The following NOL8 variants were observed in gnomAD, a reference collection of about 807,000 sequenced individuals.
NOL8 encodes the protein nucleolar protein 8.
NOL8 carries 93 observed loss-of-function variants against 116.1 expected under a neutral mutation model. The observed-to-expected ratio is 0.80, with a 90% CI of 0.68 to 0.95. The LOEUF (loss-of-function observed/expected upper bound fraction) is 0.95, where lower values mean the gene tolerates loss of function less well. NOL8 is among the 40% of genes least tolerant of loss of function. NOL8 has a pLI of 0.00. For synonymous variants in NOL8, 419 were observed against 469.0 expected (o/e 0.89, Z 1.38); for missense variants, 1,291 against 1,382.8 (o/e 0.93, Z 1.05).
Position 92,300,034 on chromosome 9 carries a change from C to A in NOL8, c.3176-18G>T, listed in dbSNP as rs1454877959. 1.2e-6 allele frequency: 2 copies of A among 1,609,422 alleles called. No homozygotes were observed. The highest frequency in any genetic ancestry group is 1.7e-6 in the Non-Finnish European group (2 of 1,177,336). On this transcript the variant is annotated intron_variant, in intron 13 of 16. Coordinates refer to ENST00000442668, the MANE Select transcript of NOL8 (RefSeq NM_017948.6). ...GTAGGTCTCTATATCGTTATGACAA[C>A]AAAAGATGATGGGATTGTAACTCCA...
Position 92,315,594 on chromosome 9 carries a change from C to A in NOL8, c.1031G>T (p.Gly344Val). The change falls in exon 7 of 17, where the codon GGC (glycine) becomes GTC (valine). Residue 344 changes from glycine to valine, a missense_variant. Transcript: ENST00000442668. ...TATTAAAGAATGCAGTTTGTGAACG[C>A]CTGATTTGAAATCATCCCTTACAAC... is the stretch of plus-strand genomic sequence containing the variant. ...FEVVRDDFKS[G>V]VHKLHSLIGL... The A allele has an allele frequency of 1.2e-6, 2 of 1,613,050 alleles. No homozygotes were observed.
At position 92,323,456 on chromosome 9, in the gene NOL8, C is replaced by T. The variant is rs772141196; in HGVS notation, c.187G>A (p.Ala63Thr). ...ATGATCTTACATTTTTTCAGGTCCG[C>T]TTCTGCTACACTGATGTTGATATAT... ...FAYINISVAE[A>T]DLKKCMSVLN... The change falls in exon 3 of 17, where the codon GCG (alanine) becomes ACG (threonine). Residue 63 changes from alanine (A) to threonine (T), a missense_variant. Ala to Thr is a moderately conservative substitution (Grantham distance 58). Transcript: ENST00000442668. 1.9e-6 allele frequency: 3 copies of T among 1,606,256 alleles called. No homozygotes were observed. The highest frequency in any genetic ancestry group is 1.6e-4 in the Middle Eastern group (1 of 6,070).
At position 92,314,293 on chromosome 9, in the gene NOL8, GCTT is replaced by G; in HGVS notation, c.2329_2331del (p.Lys777del). 6.3e-7 allele frequency: 1 copy of G among 1,591,070 alleles called. No homozygotes were observed. The highest frequency in any genetic ancestry group is 1.7e-4 in the Middle Eastern group (1 of 5,964). ...AAATTTGCCAGAGCATTATGCACCA[GCTT>G]CTTCTGCACTTCTTTTGCTTTTTGC... On this transcript the variant is annotated inframe_deletion, in exon 7 of 17. Coordinates refer to ENST00000442668, the MANE Select transcript of NOL8 (RefSeq NM_017948.6).
chr9:92,312,446 TAAAAAAAAAAA>T (rs34116665), intron 7 of NOL8, among the ~76,000 whole-genome samples: 11 of 57,562 alleles, frequency 1.9e-4, no homozygotes, highest in Non-Finnish European at 2.8e-4. Context: ...TGAGACCCTG[TAAAAAAAAAAA>T]AAAAAAAAAA....
chr9:92,314,226 T>C (rs745664051), intron 7 of NOL8, 41 bp downstream of exon 7: 5 of 1,504,736 alleles, frequency 3.3e-6, no homozygotes, highest in East Asian at 4.6e-5. Context: ...AGCTGAACTT[T>C]CTGAGTTCTT....
At position 92,323,479 on chromosome 9, in the gene NOL8, T is replaced by A; in HGVS notation, c.164A>T (p.Tyr55Phe). The A allele has an allele frequency of 6.2e-7, 1 of 1,606,580 alleles. No homozygotes were observed. ...DQGNPQKVFA[Y>F]INISVAEADL... ...CGCTTCTGCTACACTGATGTTGATA[T>A]ATGCAAAAACTTTCTGTGGGTTTCC... is the stretch of plus-strand genomic sequence containing the variant. Residue 55 changes from tyrosine to phenylalanine, a missense_variant, in exon 3 of 17, where the codon TAT becomes TTT. Tyr to Phe is a conservative substitution (Grantham distance 22). Transcript: ENST00000442668.
chr9:92,318,855 GAAAA>G (rs989100264), intron 5 of NOL8, 169 bp from the exon 6 acceptor site: 1 of 537,432 alleles, frequency 1.9e-6, no homozygotes, highest in Non-Finnish European at 3.2e-6. Context: ...TGAGAGGAAA[GAAAA>G]AAAAAGGAAG....
Position 92,301,612 on chromosome 9 carries a change from A to T in NOL8, c.3114T>A (p.Ala1038=). The stretch of plus-strand genomic sequence containing the variant: ...AGAACGTGAACCCGCTGGGCTGCTC[A>T]GCGTCACTGGTCAGAGCTGCAGGGT... ...IQDPAALTSD[A]EQPSGFTFSF... The change falls in exon 13 of 17, where the codon GCT becomes GCA. Residue 1038 remains alanine, a synonymous_variant. Transcript: ENST00000442668. 3.7e-6 allele frequency: 6 copies of T among 1,608,980 alleles called. No individual in the cohort carries two copies. The highest frequency in any genetic ancestry group is 5.1e-6 in the Non-Finnish European group (6 of 1,178,298).
In NOL8 at chr9:92,310,608, T is replaced by C. The variant is rs1838682596; in HGVS notation, c.2540A>G (p.Asp847Gly). 4 of 1,613,294 alleles carry C rather than the reference T, an allele frequency of 2.5e-6. No homozygotes were observed. The highest frequency in any genetic ancestry group is 2.7e-5 in the African/African-American group (2 of 74,896). Residue 847 changes from aspartate (D) to glycine (G), a missense_variant, in exon 9 of 17, where the codon GAT (aspartate) becomes GGT (glycine). Transcript: ENST00000442668. ...SSDDDESDSE[D>G]DSNRFKIKPQ... ...TTTAATTTTGAACCTATTACTGTCA[T>C]CTTCAGAATCAGATTCGTCATCATC...
At chr9:92,316,212 T>C (rs974221456) in intron 6 of NOL8, 74 bp from the exon 7 acceptor site, 6 of 1,455,638 alleles carry the variant, frequency 4.1e-6, no homozygotes, top group African/African-American at 1.4e-5. Flanking sequence ...ACAAAAAATA[T>C]TGCTTAATCT....
At chr9:92,312,136 T>C (rs1838850524) in intron 7 of NOL8, among the ~76,000 whole-genome samples, 2 of 151,826 alleles carry the variant, frequency 1.3e-5, no homozygotes, top group South Asian at 2.1e-4. Flanking sequence ...CACTTATAAG[T>C]GGGAGCTAAA....
chr9:92,305,982 T>C (rs1430422406), intron 11 of NOL8, among the ~76,000 whole-genome samples, 152 bp from the exon 12 acceptor site: 2 of 152,166 alleles, frequency 1.3e-5, no homozygotes, highest in African/African-American at 4.8e-5. Context: ...AGGATCTTAC[T>C]AGAAATAACA....
At chr9:92,321,965 G>A (rs79004769) in intron 3 of NOL8, among the ~76,000 whole-genome samples, 1 of 152,166 alleles carries the variant, frequency 6.6e-6, no homozygotes, top group African/African-American at 2.4e-5. Flanking sequence ...CTATCTCACA[G>A]TGTTACTAGA....
Position 92,298,974 on chromosome 9 carries a change from G to C in NOL8, c.3303-20C>G. The stretch of plus-strand genomic sequence containing the variant: ...GCTTCTCTGAAAAGAAAGGGACAAA[G>C]GAGAGAGAAAAATAGGTATTGGTTG... On this transcript the variant is annotated intron_variant, in intron 14 of 16. Transcript: ENST00000442668. The C allele has an allele frequency of 7.0e-7, 1 of 1,432,682 alleles. No individual in the cohort carries two copies. Among genetic ancestry groups the C allele is most frequent in the Admixed American group, 2.4e-5 (1 of 42,184 alleles). The allele number at this position is 1,432,682 out of a possible 1,614,324, so 88.7% of individuals were successfully genotyped here.
intron 9 of NOL8, 102 bp from the exon 10 acceptor site, chr9:92,310,363 A>G: frequency 8.3e-7 from 1 of 1,201,580 alleles, no homozygotes; most frequent in Non-Finnish European, 1.2e-6. Flanking sequence ...GAAATTCACT[A>G]CATTAAGATG....
chr9:92,323,581 C>T (rs1840113259), intron 2 of NOL8, 78 bp from the exon 3 acceptor site: 2 of 1,169,230 alleles, frequency 1.7e-6, no homozygotes, highest in African/African-American at 3.2e-5. Context: ...ACGGTTGTTT[C>T]TAAATTAAAA....
Position 92,305,838 on chromosome 9 carries a change from A to G in NOL8, c.2826-8T>C, listed in dbSNP as rs1291632496. On this transcript the variant is annotated splice_polypyrimidine_tract_variant and splice_region_variant and intron_variant, in intron 11 of 16. Transcript: ENST00000442668. ...TCATAATGTATGATGTCCCTATGTA[A>G]AAAAAGGAAGGGAGGTTGGAAGAGA... is the stretch of plus-strand genomic sequence containing the variant. 7 of 1,602,400 alleles carry G rather than the reference A, an allele frequency of 4.4e-6. No homozygotes were observed. Among genetic ancestry groups the G allele is most frequent in the Non-Finnish European group, 6.0e-6 (7 of 1,170,344 alleles).
intron 15 of NOL8, 194 bp from the exon 16 acceptor site, chr9:92,298,530 A>G (rs915794144): frequency 1.4e-5 from 7 of 514,298 alleles, no homozygotes; most frequent in Admixed American, 3.7e-5. Flanking sequence ...GTTTATATAT[A>G]TCATTTACTA....
rs998701256 is a variant in NOL8, at chr9:92,321,694, T to C, written c.255A>G (p.Gln85=). 7 of 1,534,242 alleles carry C rather than the reference T, an allele frequency of 4.6e-6. No homozygotes were observed. The highest frequency in any genetic ancestry group is 2.5e-5 in the East Asian group (1 of 40,500). Residue 85 remains glutamine, a synonymous_variant, in exon 4 of 17, where the codon CAA becomes CAG. Transcript: ENST00000442668. The stretch of plus-strand genomic sequence containing the variant: ...TGTGCAGAAAGCTTTCTTTTGCTAG[T>C]TGAATTTGTAATGTTCCACCTTTCC... ...TKWKGGTLQI[Q]LAKESFLHRL...
Sources: allele counts gnomAD v4.1 joint callset (sites outside exome capture counted in the v4.1 genomes callset), GRCh38; gene constraint gnomAD v4.1.1; transcripts MANE v1.5; gene names NCBI Gene and HGNC (gene_info 2026-07-23, HGNC 2026-07-21).